CTPS2: variants seen among roughly 807,000 people sequenced by gnomAD.
CTPS2 encodes CTP synthase 2.
A neutral mutation model predicts 46.8 loss-of-function variants in CTPS2; 19 were observed. That is an observed-to-expected ratio of 0.41 (90% CI 0.28 to 0.60). The LOEUF (loss-of-function observed/expected upper bound fraction) is 0.60. CTPS2 is among the 20% of genes least tolerant of loss of function. The probability of loss-of-function intolerance (pLI) is 0.35; values close to 1 mark genes in which losing one functional copy is unlikely to be tolerated. For missense variants in CTPS2, 286 were observed against 447.6 expected, an observed-to-expected ratio of 0.64 and a Z score of 3.26; for synonymous variants, 151 against 165.2, an observed-to-expected ratio of 0.91 and a Z score of 0.66.
chrX:16,689,877 C>T (rs1257466343), intron 7 of CTPS2, among the ~76,000 whole-genome samples: 1 of 110,818 alleles, frequency 9.0e-6, no homozygotes, highest in Non-Finnish European at 1.9e-5. Flanking sequence ...CATGGTGAAA[C>T]CCCACCTGTA....
intron 8 of CTPS2, among the ~76,000 whole-genome samples, chrX:16,687,839 A>G (rs949515329): frequency 1.8e-5 from 2 of 111,912 alleles, no homozygotes; most frequent in African/African-American, 6.5e-5. Flanking sequence ...GGTTACCAAC[A>G]TCAGCAACCG....
rs780420248 is a variant in CTPS2 at position 16,658,374 on chromosome X, T to C, written c.1296+9140A>G. Among the ~76,000 whole-genome samples the C allele has an allele frequency of 4.5e-5, 5 of 112,194 alleles. No individual in the cohort carries two copies. The East Asian group carries it at 1.4e-3, about 31-fold the overall frequency. ...TTTCTCATGACTCATTACATTCCAC[T>C]GTACAGATACCCCATAATAATCTTA... On this transcript the variant is annotated intron_variant, in intron 13 of 18. Coordinates refer to ENST00000359276, the MANE Select transcript of CTPS2 (RefSeq NM_175859.3).
intron 14 of CTPS2, among the ~76,000 whole-genome samples, chrX:16,635,674 C>CA (rs1248130782): frequency 5.4e-5 from 6 of 111,621 alleles, no homozygotes; most frequent in South Asian, 7.4e-4. Context: ...AACTCCGTCT[C>CA]AAAAAACAAA....
intron 17 of CTPS2, among the ~76,000 whole-genome samples, chrX:16,596,179 T>G (rs1259615831): frequency 1.0e-5 from 1 of 96,664 alleles, no homozygotes; most frequent in Non-Finnish European, 2.1e-5. Flanking sequence ...TCGCCAAAAG[T>G]TTTTTTTTGT....
chrX:16,610,358 G>C (rs1328600566), intron 16 of CTPS2, among the ~76,000 whole-genome samples: 1 of 110,309 alleles, frequency 9.1e-6, no homozygotes, highest in Non-Finnish European at 1.9e-5. Context: ...CTTTCAATGA[G>C]GTGCTTTATC....
At chrX:16,611,365 C>T (rs760227413) in intron 16 of CTPS2, among the ~76,000 whole-genome samples, 2 of 110,053 alleles carry the variant, frequency 1.8e-5, no homozygotes, top group South Asian at 4.0e-4. Context: ...ATGGGAGGAT[C>T]GCTTCAGCCC....
rs905822110 is a variant in CTPS2, at chrX:16,611,523, A to T, written c.1547-1838T>A. On this transcript the variant is annotated intron_variant, in intron 16 of 18. Coordinates refer to ENST00000359276, the MANE Select transcript of CTPS2 (RefSeq NM_175859.3). ...ATCCAAAATGAAAGTTGAAATTATT[A>T]AAAAAAAAAAAAAAAAGCTCTGCTA... Among the ~76,000 whole-genome samples, 12 of 52,508 alleles carry T rather than the reference A, an allele frequency of 2.3e-4. 1 individual carries two copies. The highest frequency in any genetic ancestry group is 1.9e-4 in the Admixed American group (1 of 5,130). The allele number at this position is 52,508 out of a possible 115,157, so 45.6% of individuals were successfully genotyped here.
At chrX:16,628,326 A>G (rs1486787317) in intron 14 of CTPS2, among the ~76,000 whole-genome samples, 1 of 111,117 alleles carries the variant, frequency 9.0e-6, no homozygotes, top group Non-Finnish European at 1.9e-5. Context: ...TTTTAACTCT[A>G]TATTATAGCA....
intron 1 of CTPS2, 116 bp from the exon 2 acceptor site, chrX:16,703,057 T>C: frequency 2.1e-6 from 1 of 474,148 alleles, no homozygotes; most frequent in South Asian, 3.9e-5. Context: ...ATAGTCTTAC[T>C]GTCACCCAGG....
chrX:16,678,338 G>A, intron 10 of CTPS2, 24 bp downstream of exon 10: 1 of 1,005,913 alleles, frequency 9.9e-7, no homozygotes, highest in Non-Finnish European at 1.4e-6. Context: ...ATCCTAACTG[G>A]TGTGCGTGGG....
intron 2 of CTPS2, among the ~76,000 whole-genome samples, chrX:16,701,651 G>A (rs1327676025): frequency 3.7e-5 from 4 of 108,698 alleles, no homozygotes; most frequent in Admixed American, 2.9e-4. Flanking sequence ...ACCCAGGCTG[G>A]AGTGCAGTGG....
intron 8 of CTPS2, among the ~76,000 whole-genome samples, chrX:16,688,579 A>G (rs1438083593): frequency 1.8e-5 from 2 of 110,144 alleles, no homozygotes; most frequent in African/African-American, 6.6e-5. Context: ...CTTAATTTTC[A>G]TATAACTTCA....
rs111279848 is a variant in CTPS2 at position 16,590,728 on chromosome X, C to G, written c.*41+24G>C. 3.2e-3 allele frequency: 2,718 copies of G among 848,287 alleles called. 43 individuals carry two copies. The African/African-American group carries it at 0.046, about 14-fold the overall frequency. The allele number at this position is 848,287 out of a possible 1,213,427, so 69.9% of individuals were successfully genotyped here. On this transcript the variant is annotated intron_variant, in intron 18 of 18. Transcript: ENST00000359276. ...ACAGCTTGTCCATGAGAGAAATGAA[C>G]AATCCTCGAAGATTCCATCTTACCC...
chrX:16,623,455 TC>T (rs1930945473), intron 14 of CTPS2, among the ~76,000 whole-genome samples: 1 of 111,102 alleles, frequency 9.0e-6, no homozygotes, highest in East Asian at 2.8e-4. Context: ...TTCTGCTATC[TC>T]CATGGGTTCA....
At chrX:16,673,047 C>G (rs6629167) in intron 10 of CTPS2, among the ~76,000 whole-genome samples, 26,221 of 104,369 alleles carry the variant, frequency 0.25, 2,593 homozygotes, top group Middle Eastern at 0.3. Context: ...CCACTACGCC[C>G]GGCTAATTTT....
intron 15 of CTPS2, among the ~76,000 whole-genome samples, chrX:16,619,949 G>T (rs914867171): frequency 9.0e-6 from 1 of 111,350 alleles, no homozygotes; most frequent in Non-Finnish European, 1.9e-5. Flanking sequence ...ATAAAGGGTG[G>T]GGGCTAAGGA....
chrX:16,683,480 T>A (rs1248488798), intron 8 of CTPS2, among the ~76,000 whole-genome samples: 4 of 110,818 alleles, frequency 3.6e-5, no homozygotes, highest in Non-Finnish European at 5.7e-5. Flanking sequence ...ATGCCTACAA[T>A]CCCAGCTACT....
At chrX:16,590,996 C>G in intron 17 of CTPS2, 134 bp from the exon 18 acceptor site, 1 of 437,079 alleles carries the variant, frequency 2.3e-6, no homozygotes, top group African/African-American at 2.4e-5. Flanking sequence ...TCTTTTAGCA[C>G]TTTCTAGTCA....
chrX:16,599,540 A>G (rs1294864696), intron 17 of CTPS2, among the ~76,000 whole-genome samples: 1 of 101,687 alleles, frequency 9.8e-6, no homozygotes, highest in Non-Finnish European at 2.0e-5. Flanking sequence ...GCAATGGCGC[A>G]ATCTCAGCTC....
Sources: allele counts gnomAD v4.1 joint callset (sites outside exome capture counted in the v4.1 genomes callset), GRCh38; gene constraint gnomAD v4.1.1; transcripts MANE v1.5; gene names NCBI Gene and HGNC (gene_info 2026-07-23, HGNC 2026-07-21).